The following NBEA variants were observed in gnomAD, a reference collection of about 807,000 sequenced individuals.
The protein encoded by NBEA is lysosomal-trafficking regulator 2.
NBEA carries 44 observed loss-of-function variants against 343.4 expected under a neutral mutation model. That is an observed-to-expected ratio of 0.13 (90% CI 0.10 to 0.16). NBEA has a LOEUF of 0.16. NBEA is among the 10% of genes least tolerant of loss of function. The pLI is 1.00. For missense variants in NBEA, 2,555 were observed against 3,631.3 expected (o/e 0.70, Z 7.62); for synonymous variants, 1,175 against 1,238.7 (o/e 0.95, Z 1.08).
chr13:34,991,414 A>T (rs1462471530), intron 1 of NBEA, among the ~76,000 whole-genome samples: 1 of 152,216 alleles, frequency 6.6e-6, no homozygotes, highest in Non-Finnish European at 1.5e-5. Context: ...GTGAAGGGGA[A>T]ACAGGCACAT....
chr13:35,373,987 A>G (rs867309159), intron 38 of NBEA, among the ~76,000 whole-genome samples: 2 of 152,156 alleles, frequency 1.3e-5, no homozygotes, highest in Non-Finnish European at 2.9e-5. Flanking sequence ...AGCCTCCTTC[A>G]TCAGTGATCT....
At chr13:35,562,947 T>A (rs2079933904) in intron 44 of NBEA, among the ~76,000 whole-genome samples, 2 of 152,008 alleles carry the variant, frequency 1.3e-5, no homozygotes, top group African/African-American at 4.8e-5. Flanking sequence ...TTAAATTGGA[T>A]GGTTTAATTA....
chr13:35,363,794 CTCA>C (rs1297388758), intron 38 of NBEA, among the ~76,000 whole-genome samples: 2 of 151,930 alleles, frequency 1.3e-5, no homozygotes, highest in African/African-American at 2.4e-5. Flanking sequence ...TGACAGTTAA[CTCA>C]TCATGTTCTA....
rs1340649842 is a variant in NBEA, at chr13:35,074,361, G to A, written c.1571+3509G>A. Among the ~76,000 whole-genome samples, 3 of 151,992 alleles carry A rather than the reference G, an allele frequency of 2.0e-5. No homozygotes were observed. In the East Asian group the frequency reaches 5.8e-4, roughly 29 times the overall value. On this transcript the variant is annotated intron_variant, in intron 10 of 58. Transcript: ENST00000379939. ...TTGAGCTATGTTTTTAAGAACATGG[G>A]TAATTATGTAGGTGATACAAAATAA...
chr13:35,147,490 G>C (rs2068509367), intron 18 of NBEA, among the ~76,000 whole-genome samples: 1 of 152,128 alleles, frequency 6.6e-6, no homozygotes, highest in African/African-American at 2.4e-5. Flanking sequence ...ACCACTGCAG[G>C]TGACCCCAGC....
At chr13:34,956,073 A>G (rs180914779) in intron 1 of NBEA, among the ~76,000 whole-genome samples, 108 of 152,258 alleles carry the variant, frequency 7.1e-4, no homozygotes, top group Non-Finnish European at 1.5e-3. Flanking sequence ...AAAATTATAA[A>G]CCTGTGCACA....
At chr13:35,666,108 G>A (rs1242366243) in intron 56 of NBEA, among the ~76,000 whole-genome samples, 2 of 152,072 alleles carry the variant, frequency 1.3e-5, no homozygotes, top group African/African-American at 4.8e-5. Context: ...ACAACCTGGA[G>A]GAATGAGAAG....
chr13:34,975,520 T>C lies in NBEA; in HGVS notation c.294+32406T>C, dbSNP rs954585936. Among the ~76,000 whole-genome samples, 6 of 152,160 alleles carry C rather than the reference T, an allele frequency of 3.9e-5. No individual in the cohort carries two copies. The East Asian group carries it at 1.2e-3, about 29-fold the overall frequency. On this transcript the variant is annotated intron_variant, in intron 1 of 58. Transcript: ENST00000379939. ...GGAAAAACCCTTCTAGACATTGGCT[T>C]AGGCAAAGACTTCATGACCAGGAAC...
intron 41 of NBEA, among the ~76,000 whole-genome samples, chr13:35,522,475 CAAAAAAAAAAAAAAAAAAAAAA>C (rs138270833): frequency 1.7e-4 from 7 of 42,074 alleles, no homozygotes; most frequent in African/African-American, 4.0e-4. Context: ...ATACCATCTC[CAAAAAAAAAAAAAAAAAAAAAA>C]AAAAAAAAAT....
At chr13:35,137,406 C>T (rs564446030) in intron 17 of NBEA, among the ~76,000 whole-genome samples, 3 of 151,138 alleles carry the variant, frequency 2.0e-5, no homozygotes, top group Non-Finnish European at 4.4e-5. Context: ...GCCAAGATCA[C>T]GCCACTGCAC....
At chr13:35,212,487 A>G (rs2073838198) in intron 33 of NBEA, among the ~76,000 whole-genome samples, 1 of 152,160 alleles carries the variant, frequency 6.6e-6, no homozygotes. Context: ...TATAATTACT[A>G]TGAGTATACT....
At chr13:35,257,842 A>C (rs900010846) in intron 34 of NBEA, among the ~76,000 whole-genome samples, 1 of 152,210 alleles carries the variant, frequency 6.6e-6, no homozygotes, top group Non-Finnish European at 1.5e-5. Flanking sequence ...GAAGTCTGAC[A>C]TATGAAAGGA....
At chr13:35,496,519 A>G (rs1386681747) in intron 41 of NBEA, among the ~76,000 whole-genome samples, 1 of 151,582 alleles carries the variant, frequency 6.6e-6, no homozygotes, top group Non-Finnish European at 1.5e-5. Flanking sequence ...CTGTGGTCCC[A>G]GCTATTCAGT....
At chr13:34,949,786 C>G (rs1170635658) in intron 1 of NBEA, among the ~76,000 whole-genome samples, 2 of 151,872 alleles carry the variant, frequency 1.3e-5, no homozygotes, top group African/African-American at 4.8e-5. Flanking sequence ...TGAGGTACCA[C>G]CAAGAAGAAT....
At chr13:35,437,489 T>A (rs1402692027) in intron 39 of NBEA, among the ~76,000 whole-genome samples, 2 of 152,176 alleles carry the variant, frequency 1.3e-5, no homozygotes, top group African/African-American at 4.8e-5. Flanking sequence ...GTTGAATAAT[T>A]TATGAGGTTG....
At chr13:35,418,302 G>GT (rs112799010) in intron 38 of NBEA, among the ~76,000 whole-genome samples, 3,319 of 151,984 alleles carry the variant, frequency 0.022, 146 homozygotes, top group African/African-American at 0.076. Flanking sequence ...ATTTTCTATT[G>GT]TTTTTTCTAT....
intron 1 of NBEA, among the ~76,000 whole-genome samples, chr13:35,016,884 G>A (rs1331338043): frequency 1.3e-5 from 2 of 152,120 alleles, no homozygotes; most frequent in Non-Finnish European, 2.9e-5. Flanking sequence ...GGGAGAAAGT[G>A]TGCCTATTTA....
intron 36 of NBEA, among the ~76,000 whole-genome samples, chr13:35,316,805 A>C (rs777322353): frequency 6.6e-6 from 1 of 152,176 alleles, no homozygotes; most frequent in South Asian, 2.1e-4. Flanking sequence ...GCCATTCTAA[A>C]TGGTGTGAGA....
intron 40 of NBEA, among the ~76,000 whole-genome samples, chr13:35,457,887 G>T (rs1474043362): frequency 3.3e-5 from 5 of 151,158 alleles, no homozygotes; most frequent in African/African-American, 1.2e-4. Context: ...GATCACAGGC[G>T]TGAGCCACCG....
Sources: allele counts gnomAD v4.1 joint callset (sites outside exome capture counted in the v4.1 genomes callset), GRCh38; gene constraint gnomAD v4.1.1; transcripts MANE v1.5; gene names NCBI Gene and HGNC (gene_info 2026-07-23, HGNC 2026-07-21).